ZBTB40: variants seen among roughly 807,000 people sequenced by gnomAD.
ZBTB40 encodes the protein zinc finger and BTB domain containing 40, also known as zinc finger and BTB domain-containing protein 40.
Under a neutral mutation model 117.5 loss-of-function variants are expected in ZBTB40, and 60 were observed. That is an observed-to-expected ratio of 0.51 (90% CI 0.41 to 0.63). ZBTB40 has a LOEUF of 0.63. Among genes scored for constraint, ZBTB40 ranks in the 30% least tolerant of loss-of-function variants. The pLI is 0.00. For synonymous variants in ZBTB40, 525 were observed against 577.1 expected, an observed-to-expected ratio of 0.91 and a Z score of 1.29; for missense variants, 1,287 against 1,498.5, an observed-to-expected ratio of 0.86 and a Z score of 2.33.
At chr1:22,465,020 T>C (rs1277463179) in intron 1 of ZBTB40, among the ~76,000 whole-genome samples, 2 of 152,204 alleles carry the variant, frequency 1.3e-5, no homozygotes, top group African/African-American at 4.8e-5. Flanking sequence ...CCCAACCTCT[T>C]GTCCTGCATC....
rs529830830 is a variant in ZBTB40 at position 22,517,436 on chromosome 1, C to T, written c.2805C>T (p.Gly935=). 25 of 1,614,080 alleles carry T rather than the reference C, an allele frequency of 1.5e-5. No individual in the cohort carries two copies. The East Asian group carries it at 4.7e-4, about 30-fold the overall frequency. Residue 935 remains glycine, a synonymous_variant, in exon 13 of 18, where the codon GGC becomes GGT. Coordinates refer to ENST00000375647, the MANE Select transcript of ZBTB40 (RefSeq NM_014870.4). ...DCGKGFRQAN[G]LSIHLHTFHN... is the part of the protein sequence containing the mutation. Reference sequence around the variant, plus strand: ...GCAAGGGCTTCCGGCAAGCCAATGGCCTCTCCATCCATCTGCACACCTTTC... The same window carrying T: ...GCAAGGGCTTCCGGCAAGCCAATGGTCTCTCCATCCATCTGCACACCTTTC...
rs1638403816 is a variant in ZBTB40, at chr1:22,484,206, C to T, written c.-69-5674C>T. Reference sequence around the variant, plus strand: ...ATCAGTCCTCCAACTTCAGTCTTCTCCTTCAATATTGAGTTAGCTATTTTG... The same window carrying T: ...ATCAGTCCTCCAACTTCAGTCTTCTTCTTCAATATTGAGTTAGCTATTTTG... On this transcript the variant is annotated intron_variant, in intron 1 of 17. Transcript: ENST00000375647. Among the ~76,000 whole-genome samples the T allele has an allele frequency of 2.0e-5, 3 of 152,138 alleles. No individual in the cohort carries two copies. The South Asian group carries it at 6.2e-4, about 32-fold the overall frequency.
intron 16 of ZBTB40, among the ~76,000 whole-genome samples, chr1:22,523,402 A>G (rs946505615): frequency 1.3e-5 from 2 of 152,190 alleles, no homozygotes; most frequent in East Asian, 3.9e-4. Context: ...TCTAGTGTGC[A>G]TACATACAAA....
chr1:22,471,579 A>C (rs1641404645), intron 1 of ZBTB40, among the ~76,000 whole-genome samples: 1 of 152,262 alleles, frequency 6.6e-6, no homozygotes, highest in Non-Finnish European at 1.5e-5. Flanking sequence ...GAACGTGCTT[A>C]GCACAATGCC....
intron 14 of ZBTB40, among the ~76,000 whole-genome samples, chr1:22,520,651 AC>A (rs1303690867): frequency 1.3e-5 from 2 of 152,206 alleles, no homozygotes; most frequent in Non-Finnish European, 2.9e-5. Flanking sequence ...CTTGTTTGGC[AC>A]AATTAGTTTG....
rs1376853829 is a variant in ZBTB40, at chr1:22,500,702, TA to T, written c.832-789del. Among the ~76,000 whole-genome samples, 5 of 152,302 alleles carry T rather than the reference TA, an allele frequency of 3.3e-5. No homozygotes were observed. The East Asian group carries it at 7.7e-4, about 24-fold the overall frequency. Reference sequence around the variant, plus strand: ...CAAGGCTTGTTGTATAAACGTTGGTTAGGGGAAGAATCTGTGAAGCCCCTTC... The same window carrying T: ...CAAGGCTTGTTGTATAAACGTTGGTTGGGGAAGAATCTGTGAAGCCCCTTC... On this transcript the variant is annotated intron_variant, in intron 3 of 17. Transcript: ENST00000375647.
intron 1 of ZBTB40, among the ~76,000 whole-genome samples, chr1:22,441,779 GGCCATTATTA>G (rs1640736411): frequency 6.6e-6 from 1 of 151,966 alleles, no homozygotes; most frequent in Admixed American, 6.6e-5. Flanking sequence ...CACTGTGCCT[GGCCATTATTA>G]TTTGCTTTCT....
chr1:22,511,229 A>G lies in ZBTB40; in HGVS notation c.1884A>G (p.Ala628=), dbSNP rs1447251716. 1 of 1,614,022 alleles carries G rather than the reference A, an allele frequency of 6.2e-7. No individual in the cohort carries two copies. Among genetic ancestry groups the G allele is most frequent in the Non-Finnish European group, 8.5e-7 (1 of 1,180,020 alleles). Residue 628 remains alanine (A), a synonymous_variant, in exon 10 of 18, where the codon GCA becomes GCG. Coordinates refer to ENST00000375647, the MANE Select transcript of ZBTB40 (RefSeq NM_014870.4). ...ETASPEASLR[A]VLSRAMEKSV... ...CCAGCCCTGAAGCTTCCCTGAGAGC[A>G]GTGCTGAGCAGAGCCATGGAAAAAT...
At chr1:22,455,216 G>A (rs916487575) in intron 1 of ZBTB40, among the ~76,000 whole-genome samples, 2 of 151,118 alleles carry the variant, frequency 1.3e-5, no homozygotes, top group African/African-American at 4.8e-5. Flanking sequence ...CTTTTAGTTG[G>A]TGGCGATTTA....
rs1639238573 is a variant in ZBTB40 at position 22,511,660 on chromosome 1, T to C, written c.2003-16T>C. ...ACAGAGAGTTCGCAGAGCCACGAGA[T>C]GTCTCTTTTATGCAGGTGTCCTTAC... On this transcript the variant is annotated splice_polypyrimidine_tract_variant and intron_variant, in intron 10 of 17. Transcript: ENST00000375647. 1 of 1,610,408 alleles carries C rather than the reference T, an allele frequency of 6.2e-7. No homozygotes were observed. Among genetic ancestry groups the C allele is most frequent in the Non-Finnish European group, 8.5e-7 (1 of 1,178,998 alleles).
chr1:22,449,557 G>A (rs1212525410), upstream of ZBTB40, among the ~76,000 whole-genome samples: 2 of 152,200 alleles, frequency 1.3e-5, no homozygotes, highest in African/African-American at 4.8e-5. Context: ...ATGGTGATGG[G>A]GAAACTGCAG....
At chr1:22,516,988 G>T (rs1372091767) in intron 12 of ZBTB40, among the ~76,000 whole-genome samples, 3 of 152,166 alleles carry the variant, frequency 2.0e-5, no homozygotes, top group African/African-American at 7.2e-5. Flanking sequence ...GGATGTATCT[G>T]GTTGCGGGAG....
At chr1:22,475,695 T>C (rs889427203) in intron 1 of ZBTB40, among the ~76,000 whole-genome samples, 9 of 152,206 alleles carry the variant, frequency 5.9e-5, no homozygotes, top group Non-Finnish European at 8.8e-5. Flanking sequence ...TTGAGTTCTT[T>C]TAAGAGTTCT....
At chr1:22,515,210 T>G (rs1639343929) in intron 12 of ZBTB40, among the ~76,000 whole-genome samples, 2 of 152,152 alleles carry the variant, frequency 1.3e-5, no homozygotes, top group South Asian at 4.1e-4. Context: ...GAGCTTTACC[T>G]GCATGAGAGA....
At chr1:22,515,964 T>C (rs955750171) in intron 12 of ZBTB40, among the ~76,000 whole-genome samples, 11 of 152,322 alleles carry the variant, frequency 7.2e-5, no homozygotes, top group African/African-American at 2.6e-4. Flanking sequence ...AGAGGTGATA[T>C]AGTTTTCAAC....
intron 1 of ZBTB40, among the ~76,000 whole-genome samples, chr1:22,480,455 G>C (rs542268242): frequency 2.0e-5 from 3 of 151,960 alleles, no homozygotes; most frequent in Non-Finnish European, 4.4e-5. Flanking sequence ...TCACATCCAG[G>C]TCTTCCTCAT....
intron 1 of ZBTB40, among the ~76,000 whole-genome samples, chr1:22,453,520 G>A (rs536933655): frequency 6.6e-6 from 1 of 152,192 alleles, no homozygotes; most frequent in Non-Finnish European, 1.5e-5. Context: ...TTCAAATACA[G>A]CTGTAATAGC....
At chr1:22,430,924 A>T (rs1640571827) in intron 1 of ZBTB40, among the ~76,000 whole-genome samples, 1 of 152,234 alleles carries the variant, frequency 6.6e-6, no homozygotes, top group African/African-American at 2.4e-5. Flanking sequence ...TTAGTAATTT[A>T]TTAATTCTTT....
At chr1:22,439,785 T>C (rs1386977456) in intron 1 of ZBTB40, among the ~76,000 whole-genome samples, 1 of 152,226 alleles carries the variant, frequency 6.6e-6, no homozygotes, top group African/African-American at 2.4e-5. Flanking sequence ...TCCAGCATTG[T>C]TCTTTTTTAA....
Sources: gnomAD v4.1 joint callset for allele counts (sites outside exome capture counted in the v4.1 genomes callset) on GRCh38, gnomAD v4.1.1 for gene constraint, MANE v1.5 for transcripts, NCBI Gene and HGNC (gene_info 2026-07-23, HGNC 2026-07-21) for gene names.